MGAT4C: variants seen among roughly 807,000 people sequenced by gnomAD.
MGAT4C encodes the protein alpha-1,3-mannosyl-glycoprotein 4-beta-N-acetylglucosaminyltransferase C.
Under a neutral mutation model 40.1 loss-of-function variants are expected in MGAT4C, and 19 were observed. The ratio of observed to expected loss-of-function variants is 0.47; its 90% CI spans 0.33 to 0.70. The LOEUF (loss-of-function observed/expected upper bound fraction) is 0.70. MGAT4C is among the 30% of genes least tolerant of loss of function. The probability of loss-of-function intolerance (pLI) is 0.02; values close to 1 mark genes in which losing one functional copy is unlikely to be tolerated. For missense variants in MGAT4C, 491 were observed against 563.2 expected (o/e 0.87, Z 1.30); for synonymous variants, 181 against 187.1 (o/e 0.97, Z 0.27).
At chr12:86,012,778 AACCACCACCACCACCACCACCACC>A (rs1183997849) in intron 2 of MGAT4C, among the ~76,000 whole-genome samples, 8 of 136,452 alleles carry the variant, frequency 5.9e-5, no homozygotes, top group African/African-American at 1.9e-4. Flanking sequence ...CAACAACAAC[AACCACCACCACCACCACCACCACC>A]ACCACCACCA....
At chr12:86,444,257 T>C (rs189654060) in intron 2 of MGAT4C, among the ~76,000 whole-genome samples, 82 of 152,306 alleles carry the variant, frequency 5.4e-4, no homozygotes, top group Non-Finnish European at 9.7e-4. Flanking sequence ...TACTACATTC[T>C]TCTTATTTCT....
chr12:86,659,830 A>C (rs894472538), intron 2 of MGAT4C, among the ~76,000 whole-genome samples: 1 of 152,014 alleles, frequency 6.6e-6, no homozygotes, highest in African/African-American at 2.4e-5. Context: ...TATGTTGACT[A>C]AATAGTGTCT....
At chr12:86,585,934 T>C (rs974458162) in intron 2 of MGAT4C, among the ~76,000 whole-genome samples, 28 of 149,662 alleles carry the variant, frequency 1.9e-4, no homozygotes, top group African/African-American at 6.4e-4. Context: ...AGGTAGGCAC[T>C]TTTTTTTTCC....
chr12:86,638,129 A>AT (rs11451746), intron 2 of MGAT4C, among the ~76,000 whole-genome samples: 117,749 of 151,742 alleles, frequency 0.78, 47,091 homozygotes, highest in Middle Eastern at 0.88. Flanking sequence ...AAAAAATCAA[A>AT]TGTTGGACTT....
At chr12:86,447,720 A>G (rs1490643125) in intron 2 of MGAT4C, among the ~76,000 whole-genome samples, 2 of 152,236 alleles carry the variant, frequency 1.3e-5, no homozygotes, top group Non-Finnish European at 2.9e-5. Context: ...TAGACCAAAT[A>G]CAAGTTGAAC....
intron 2 of MGAT4C, among the ~76,000 whole-genome samples, chr12:86,626,383 C>T (rs189993946): frequency 1.5e-4 from 23 of 152,114 alleles, no homozygotes; most frequent in East Asian, 9.7e-4. Flanking sequence ...TAATTATAAC[C>T]GAGCGGATGA....
At chr12:86,814,271 T>C (rs1236561530) in intron 1 of MGAT4C, among the ~76,000 whole-genome samples, 1 of 113,444 alleles carries the variant, frequency 8.8e-6, no homozygotes, top group Non-Finnish European at 1.9e-5. Context: ...TATATACATA[T>C]ACGTATATAT....
chr12:86,540,478 C>T (rs372840743), intron 2 of MGAT4C, among the ~76,000 whole-genome samples: 21 of 152,256 alleles, frequency 1.4e-4, no homozygotes, highest in African/African-American at 2.6e-4. Context: ...TGGCTCATGC[C>T]GGTAATTCCA....
At chr12:86,569,349 T>C (rs1960269644) in intron 2 of MGAT4C, among the ~76,000 whole-genome samples, 1 of 152,006 alleles carries the variant, frequency 6.6e-6, no homozygotes, top group Non-Finnish European at 1.5e-5. Context: ...GAAAACCAAA[T>C]AACCCCATTA....
At chr12:86,501,596 T>C (rs1958343968) in intron 2 of MGAT4C, among the ~76,000 whole-genome samples, 1 of 150,718 alleles carries the variant, frequency 6.6e-6, no homozygotes, top group African/African-American at 2.4e-5. Context: ...CATGCAGTGC[T>C]TGGTTTTCTG....
intron 1 of MGAT4C, among the ~76,000 whole-genome samples, chr12:86,749,862 A>C (rs1190915444): frequency 6.6e-6 from 1 of 151,818 alleles, no homozygotes; most frequent in Non-Finnish European, 1.5e-5. Flanking sequence ...CATGTATGTT[A>C]ATAGGCACTG....
chr12:86,236,467 T>C (rs1951550430), intron 1 of MGAT4C, among the ~76,000 whole-genome samples: 1 of 152,054 alleles, frequency 6.6e-6, no homozygotes, highest in South Asian at 2.1e-4. Context: ...CAGTTTTATT[T>C]CTAGCAAGGA....
At chr12:86,338,060 C>G (rs1954827810) in intron 3 of MGAT4C, among the ~76,000 whole-genome samples, 1 of 152,134 alleles carries the variant, frequency 6.6e-6, no homozygotes, top group Non-Finnish European at 1.5e-5. Flanking sequence ...TTTACCAAGA[C>G]AGGGGAATTG....
upstream of MGAT4C, among the ~76,000 whole-genome samples, chr12:86,257,472 G>A (rs1334285436): frequency 1.3e-5 from 2 of 152,162 alleles, no homozygotes; most frequent in Admixed American, 1.3e-4. Context: ...CTCAGCATGC[G>A]AACAGTACAA....
At chr12:86,160,792 T>C (rs937098501) in intron 1 of MGAT4C, among the ~76,000 whole-genome samples, 2 of 152,120 alleles carry the variant, frequency 1.3e-5, no homozygotes, top group African/African-American at 4.8e-5. Context: ...TACTTAAGGC[T>C]TCTTACTGAA....
chr12:86,740,965 A>C (rs1418939829), intron 1 of MGAT4C, among the ~76,000 whole-genome samples: 11 of 150,960 alleles, frequency 7.3e-5, no homozygotes, highest in African/African-American at 2.4e-4. Flanking sequence ...TGAGCATAAT[A>C]TCTAATAAGT....
chr12:86,213,949 T>C (rs1014244198), intron 1 of MGAT4C, among the ~76,000 whole-genome samples: 5 of 152,238 alleles, frequency 3.3e-5, no homozygotes, highest in African/African-American at 9.6e-5. Context: ...ATAAGACTTA[T>C]TCCCCACAAG....
intron 4 of MGAT4C, among the ~76,000 whole-genome samples, chr12:86,274,184 A>G (rs1363223900): frequency 6.6e-6 from 1 of 152,174 alleles, no homozygotes; most frequent in Non-Finnish European, 1.5e-5. Flanking sequence ...ACTCATTATC[A>G]GGAGAACAGC....
chr12:86,098,482 C>T (rs990313704), intron 1 of MGAT4C, among the ~76,000 whole-genome samples: 2 of 151,564 alleles, frequency 1.3e-5, no homozygotes, highest in Non-Finnish European at 3.0e-5. Flanking sequence ...CATATATTGG[C>T]TTCTTTTTGT....
Sources: gnomAD v4.1 joint callset for allele counts (sites outside exome capture counted in the v4.1 genomes callset) on GRCh38, gnomAD v4.1.1 for gene constraint, MANE v1.5 for transcripts, NCBI Gene and HGNC (gene_info 2026-07-23, HGNC 2026-07-21) for gene names.